The following RANBP2 variants were observed in gnomAD, a reference collection of about 807,000 sequenced individuals.
RANBP2 encodes the protein E3 SUMO-protein ligase RanBP2.
Under a neutral mutation model 303.6 loss-of-function variants are expected in RANBP2, and 57 were observed. The ratio of observed to expected loss-of-function variants is 0.19; its 90% CI spans 0.15 to 0.23. RANBP2 has a LOEUF of 0.23. Ranked by LOEUF, RANBP2 falls within the 10% of genes least tolerant of loss-of-function variation. RANBP2 has a pLI of 1.00. For synonymous variants in RANBP2, 1,167 were observed against 1,301.5 expected, an observed-to-expected ratio of 0.90 and a Z score of 2.23; for missense variants, 3,138 against 3,780.8, an observed-to-expected ratio of 0.83 and a Z score of 4.46.
chr2:109,029,734 G>C, the RANBP2 span, among the ~76,000 whole-genome samples: 1 of 152,174 alleles, frequency 6.6e-6, no homozygotes, highest in Non-Finnish European at 1.5e-5. Context: ...CTGCAGGACA[G>C]GGCCCCCCGG....
the RANBP2 span, among the ~76,000 whole-genome samples, chr2:109,577,912 CAAA>C: frequency 1.3e-3 from 123 of 92,332 alleles, 1 homozygote; most frequent in South Asian, 9.7e-3. Context: ...GACTTTGTCT[CAAA>C]AAAAAAAAAA....
the RANBP2 span, among the ~76,000 whole-genome samples, chr2:108,841,259 A>G: frequency 6.6e-6 from 1 of 152,190 alleles, no homozygotes; most frequent in African/African-American, 2.4e-5. Flanking sequence ...AGTGTTGCAT[A>G]AATGTCAATT....
chr2:109,125,616 G>A, the RANBP2 span, among the ~76,000 whole-genome samples: 4 of 152,288 alleles, frequency 2.6e-5, no homozygotes, highest in South Asian at 4.1e-4. Flanking sequence ...GAAGGCATCC[G>A]AAGATTTCGT....
At chr2:108,790,224 G>A (rs751369667), downstream of RANBP2, among the ~76,000 whole-genome samples, 20 of 152,104 alleles carry the variant, frequency 1.3e-4, no homozygotes, top group East Asian at 3.8e-4. Context: ...CATGAGCTAC[G>A]TTGAATGTAG....
the RANBP2 span, among the ~76,000 whole-genome samples, chr2:109,247,680 C>G: frequency 1.3e-5 from 2 of 152,194 alleles, no homozygotes; most frequent in East Asian, 3.8e-4. Context: ...TTTCTGATTG[C>G]CAGTGAAGGA....
At chr2:109,726,774 C>T in the RANBP2 span, among the ~76,000 whole-genome samples, 4 of 152,306 alleles carry the variant, frequency 2.6e-5, no homozygotes, top group East Asian at 1.9e-4. Flanking sequence ...TCCGGCCCAC[C>T]GCAGGAAATC....
At chr2:108,955,942 TG>T in the RANBP2 span, among the ~76,000 whole-genome samples, 3 of 148,812 alleles carry the variant, frequency 2.0e-5, no homozygotes, top group Non-Finnish European at 4.5e-5. Context: ...GGCAGAAGAA[TG>T]GCGGGAACCC....
the RANBP2 span, among the ~76,000 whole-genome samples, chr2:109,569,437 TAAAA>T: frequency 7.6e-6 from 1 of 131,218 alleles, no homozygotes; most frequent in African/African-American, 2.8e-5. Context: ...AAACTCTTGT[TAAAA>T]AAAAAAAAAA....
the RANBP2 span, among the ~76,000 whole-genome samples, chr2:109,004,046 A>AATGGGAG: frequency 6.6e-6 from 1 of 152,210 alleles, no homozygotes; most frequent in Admixed American, 6.5e-5. Context: ...ACAAAGAGTG[A>AATGGGAG]ATGGGAGATA....
the RANBP2 span, among the ~76,000 whole-genome samples, chr2:109,077,688 G>A: frequency 6.7e-6 from 1 of 150,226 alleles, no homozygotes; most frequent in African/African-American, 2.4e-5. Context: ...ACATACAAAT[G>A]TCCAATAGGT....
the RANBP2 span, among the ~76,000 whole-genome samples, chr2:109,435,981 C>A: frequency 3.9e-5 from 6 of 152,270 alleles, no homozygotes; most frequent in East Asian, 9.7e-4. Context: ...AGCTGCTGTG[C>A]AGAAACCCTC....
At chr2:108,798,494 A>G in the RANBP2 span, 2 of 1,614,076 alleles carry the variant, frequency 1.2e-6, no homozygotes, top group Non-Finnish European at 1.7e-6. Context: ...TTTACTTGAA[A>G]GAGAACAACT....
At chr2:109,022,796 A>G in the RANBP2 span, among the ~76,000 whole-genome samples, 2 of 152,224 alleles carry the variant, frequency 1.3e-5, no homozygotes, top group Non-Finnish European at 2.9e-5. Flanking sequence ...CACGCATGTA[A>G]TCCCAGCACT....
the RANBP2 span, among the ~76,000 whole-genome samples, chr2:109,288,556 G>A: frequency 2.0e-5 from 3 of 152,222 alleles, no homozygotes; most frequent in African/African-American, 7.2e-5. Flanking sequence ...TTGGTCTGGA[G>A]TCACCTCCAT....
At chr2:109,097,736 GGT>G in the RANBP2 span, among the ~76,000 whole-genome samples, 21,975 of 146,528 alleles carry the variant, frequency 0.15, 2,109 homozygotes, top group African/African-American at 0.28. Context: ...ATGTGCTTAG[GGT>G]GTGTGTGTGT....
the RANBP2 span, among the ~76,000 whole-genome samples, chr2:109,340,521 T>C: frequency 8.5e-5 from 13 of 152,204 alleles, no homozygotes; most frequent in African/African-American, 2.7e-4. Context: ...GGGGCGGTCC[T>C]CAGTTCTCCC....
the RANBP2 span, among the ~76,000 whole-genome samples, chr2:109,199,597 T>TCAACGCGAGTGCAGG: frequency 0.011 from 3 of 274 alleles, no homozygotes; most frequent in African/African-American, 0.028. Flanking sequence ...TGGAATGGAA[T>TCAACGCGAGTGCAGG]GGAATGGAAT....
At chr2:108,738,322 G>C (rs1442509104) in intron 6 of RANBP2, among the ~76,000 whole-genome samples, 1 of 147,674 alleles carries the variant, frequency 6.8e-6, no homozygotes, top group Non-Finnish European at 1.5e-5. Context: ...TGATCCGCCC[G>C]CCTCGGCCTC....
chr2:109,351,776 G>A, the RANBP2 span, among the ~76,000 whole-genome samples: 1 of 152,192 alleles, frequency 6.6e-6, no homozygotes, highest in Non-Finnish European at 1.5e-5. Context: ...GGAGCCACAG[G>A]GCTTGGTGGC....
Sources: allele counts gnomAD v4.1 joint callset (sites outside exome capture counted in the v4.1 genomes callset), GRCh38; gene constraint gnomAD v4.1.1; transcripts MANE v1.5; gene names NCBI Gene and HGNC (gene_info 2026-07-23, HGNC 2026-07-21).